RANBP2: variants seen among roughly 807,000 people sequenced by gnomAD.
RANBP2 encodes the protein E3 SUMO-protein ligase RanBP2.
RANBP2 carries 57 observed loss-of-function variants against 303.6 expected under a neutral mutation model. The ratio of observed to expected loss-of-function variants is 0.19; its 90% CI spans 0.15 to 0.23. The LOEUF (loss-of-function observed/expected upper bound fraction) is 0.23. Ranked by LOEUF, RANBP2 falls within the 10% of genes least tolerant of loss-of-function variation. The pLI is 1.00. For missense variants in RANBP2, 3,138 were observed against 3,780.8 expected (o/e 0.83, Z 4.46); for synonymous variants, 1,167 against 1,301.5 (o/e 0.90, Z 2.23).
the RANBP2 span, among the ~76,000 whole-genome samples, chr2:109,057,957 G>A: frequency 3.9e-5 from 6 of 152,178 alleles, no homozygotes; most frequent in Non-Finnish European, 5.9e-5. Flanking sequence ...CTGATTAAGC[G>A]CTTATGTGGC....
the RANBP2 span, among the ~76,000 whole-genome samples, chr2:109,554,197 A>G: frequency 6.6e-6 from 1 of 152,168 alleles, no homozygotes; most frequent in Non-Finnish European, 1.5e-5. Context: ...ATTATGGTGG[A>G]GGTGAAATCA....
At chr2:109,457,670 C>T in the RANBP2 span, among the ~76,000 whole-genome samples, 1 of 152,242 alleles carries the variant, frequency 6.6e-6, no homozygotes, top group Non-Finnish European at 1.5e-5. Flanking sequence ...AGTCTAGATT[C>T]TGTTCTGCAA....
chr2:109,385,331 TTGGGGGCCCTGCACAACCCCAG>T, the RANBP2 span, among the ~76,000 whole-genome samples: 1 of 152,222 alleles, frequency 6.6e-6, no homozygotes, highest in Non-Finnish European at 1.5e-5. Context: ...TAATTGTAGT[TTGGGGGCCCTGCACAACCCCAG>T]TGTCCCCTGA....
chr2:109,476,904 G>A, the RANBP2 span, among the ~76,000 whole-genome samples: 3 of 152,264 alleles, frequency 2.0e-5, no homozygotes, highest in East Asian at 3.9e-4. Context: ...TTGTCATGGC[G>A]CTAATGGGAG....
chr2:109,439,155 C>T, the RANBP2 span, among the ~76,000 whole-genome samples: 1 of 152,214 alleles, frequency 6.6e-6, no homozygotes, highest in Admixed American at 6.5e-5. Context: ...ATTGGCAAGG[C>T]TGTGGGGCAG....
the RANBP2 span, among the ~76,000 whole-genome samples, chr2:109,706,760 T>A: frequency 6.6e-6 from 1 of 152,230 alleles, no homozygotes; most frequent in Admixed American, 6.5e-5. Flanking sequence ...AATGAATGAA[T>A]GAGTGAATGA....
chr2:109,042,792 T>A, the RANBP2 span, among the ~76,000 whole-genome samples: 1 of 152,234 alleles, frequency 6.6e-6, no homozygotes, highest in South Asian at 2.1e-4. Flanking sequence ...ATCATAAGTT[T>A]ACACTACCTT....
chr2:108,986,672 T>C, the RANBP2 span, among the ~76,000 whole-genome samples: 1 of 152,222 alleles, frequency 6.6e-6, no homozygotes, highest in Non-Finnish European at 1.5e-5. Flanking sequence ...AAGACATTCA[T>C]GACAACGCTT....
the RANBP2 span, among the ~76,000 whole-genome samples, chr2:109,133,496 T>C: frequency 1.3e-5 from 2 of 152,194 alleles, no homozygotes; most frequent in Non-Finnish European, 2.9e-5. Flanking sequence ...TTCTTTGAGT[T>C]CCAGATTGTC....
At chr2:109,116,846 AACAG>A in the RANBP2 span, among the ~76,000 whole-genome samples, 9,313 of 152,202 alleles carry the variant, frequency 0.061, 740 homozygotes, top group East Asian at 0.33. Context: ...TTTTCCTTTT[AACAG>A]ACAGGAACCT....
Position 108,783,629 on chromosome 2 carries a change from G to C in RANBP2, c.9403G>C (p.Gly3135Arg). 1 of 1,612,406 alleles carries C rather than the reference G, an allele frequency of 6.2e-7. No homozygotes were observed. The highest frequency in any genetic ancestry group is 1.7e-5 in the Admixed American group (1 of 59,972). ...GDITKHDGTG[G>R]QSIYGDKFED... ...TATCACCAAACATGATGGAACAGGC[G>C]GACAGTCCATTTATGGAGACAAATT... The change falls in exon 29 of 29, where the codon GGA becomes CGA. Residue 3135 changes from glycine (G) to arginine (R), a missense_variant. Physicochemically the swap from Gly to Arg is moderately radical, Grantham distance 125. Transcript: ENST00000283195.
chr2:108,873,737 C>T, the RANBP2 span: 9,785 of 550,598 alleles, frequency 0.018, 450 homozygotes, highest in African/African-American at 0.084. Context: ...CTAACACTAA[C>T]GATAGCTGAT....
the RANBP2 span, among the ~76,000 whole-genome samples, chr2:109,258,894 G>T: frequency 6.6e-6 from 1 of 152,172 alleles, no homozygotes; most frequent in Admixed American, 6.5e-5. Context: ...GTGGTCAGGG[G>T]TTTTGCCTTT....
At chr2:109,739,636 G>A in the RANBP2 span, among the ~76,000 whole-genome samples, 29 of 152,072 alleles carry the variant, frequency 1.9e-4, no homozygotes, top group Admixed American at 1.8e-3. Flanking sequence ...GAGTCTTAAG[G>A]TTTTTCCAAA....
the RANBP2 span, among the ~76,000 whole-genome samples, chr2:109,412,265 G>GC: frequency 1.3e-5 from 2 of 152,216 alleles, no homozygotes; most frequent in African/African-American, 4.8e-5. Flanking sequence ...CAAACACATT[G>GC]CCCCCCTTTC....
the RANBP2 span, among the ~76,000 whole-genome samples, chr2:109,195,409 C>T: frequency 5.9e-5 from 9 of 152,358 alleles, no homozygotes; most frequent in Admixed American, 1.3e-4. Flanking sequence ...CCCTGGCCTG[C>T]GGACACCAGC....
chr2:109,458,406 T>TTTA, the RANBP2 span, among the ~76,000 whole-genome samples: 1 of 152,168 alleles, frequency 6.6e-6, no homozygotes, highest in Non-Finnish European at 1.5e-5. Context: ...CTAACTCTTA[T>TTTA]TTATTCTCTC....
At chr2:108,808,608 T>C in the RANBP2 span, among the ~76,000 whole-genome samples, 1 of 152,214 alleles carries the variant, frequency 6.6e-6, no homozygotes, top group Admixed American at 6.5e-5. Flanking sequence ...ACCTGATGAT[T>C]AGTGATATTG....
chr2:108,786,291 T>G (rs2149343904), downstream of RANBP2, among the ~76,000 whole-genome samples: 1 of 150,806 alleles, frequency 6.6e-6, no homozygotes, highest in East Asian at 1.9e-4. Context: ...ATGGGAGTCT[T>G]GCTATGTTAC....
Sources: allele counts gnomAD v4.1 joint callset (sites outside exome capture counted in the v4.1 genomes callset), GRCh38; gene constraint gnomAD v4.1.1; transcripts MANE v1.5; gene names NCBI Gene and HGNC (gene_info 2026-07-23, HGNC 2026-07-21).